Variants in AGBL1 observed in about 807,000 individuals in gnomAD.
AGBL1 encodes AGBL carboxypeptidase 1.
AGBL1 carries 130 observed loss-of-function variants against 118.9 expected under a neutral mutation model. That is an observed-to-expected ratio of 1.09 (90% CI 0.95 to 1.26). The LOEUF (loss-of-function observed/expected upper bound fraction) is 1.26. Ranked by LOEUF, AGBL1 falls within the 50% of genes most tolerant of loss-of-function variation. The pLI is 0.00. For missense variants in AGBL1, 1,584 were observed against 1,298.1 expected (o/e 1.22, Z -3.38); for synonymous variants, 555 against 478.9 (o/e 1.16, Z -2.08).
At chr15:86,653,203 A>G (rs2085406378) in intron 21 of AGBL1, among the ~76,000 whole-genome samples, 2 of 152,080 alleles carry the variant, frequency 1.3e-5, no homozygotes, top group Admixed American at 6.6e-5. Flanking sequence ...ATCCCAGGGG[A>G]TCCTGATACA....
chr15:86,153,992 C>G (rs1275565667), intron 3 of AGBL1, among the ~76,000 whole-genome samples: 2 of 152,106 alleles, frequency 1.3e-5, no homozygotes, highest in Non-Finnish European at 2.9e-5. Flanking sequence ...TCCAATTTCT[C>G]CAAATGTTCC....
intron 22 of AGBL1, among the ~76,000 whole-genome samples, chr15:86,875,515 C>A (rs2079794909): frequency 6.6e-6 from 1 of 152,216 alleles, no homozygotes; most frequent in Non-Finnish European, 1.5e-5. Context: ...GTCTGACTTG[C>A]ATCTGTTCAA....
intron 1 of AGBL1, among the ~76,000 whole-genome samples, chr15:86,140,889 A>G (rs2076954022): frequency 6.6e-6 from 1 of 152,230 alleles, no homozygotes; most frequent in South Asian, 2.1e-4. Context: ...GAAGCTGAAG[A>G]CATAAGAAGG....
At chr15:86,327,622 G>T (rs1243796313) in intron 17 of AGBL1, among the ~76,000 whole-genome samples, 1 of 152,198 alleles carries the variant, frequency 6.6e-6, no homozygotes, top group Non-Finnish European at 1.5e-5. Context: ...TTTCATTGAG[G>T]TGTCAGCTGC....
intron 18 of AGBL1, among the ~76,000 whole-genome samples, chr15:86,512,310 A>G (rs1478783548): frequency 6.6e-6 from 1 of 151,986 alleles, no homozygotes; most frequent in African/African-American, 2.4e-5. Flanking sequence ...GACAAGGCTT[A>G]TGGGGAATGA....
At chr15:86,879,271 G>A (rs2079856965) in intron 22 of AGBL1, among the ~76,000 whole-genome samples, 1 of 152,098 alleles carries the variant, frequency 6.6e-6, no homozygotes. Flanking sequence ...GTCAACGCAG[G>A]GCTAAGGTAA....
intron 18 of AGBL1, among the ~76,000 whole-genome samples, chr15:86,414,891 T>C (rs73455633): frequency 0.039 from 5,963 of 152,198 alleles, 407 homozygotes; most frequent in African/African-American, 0.14. Flanking sequence ...TGCCATTTAC[T>C]AGCTGTGTGA....
intron 18 of AGBL1, among the ~76,000 whole-genome samples, chr15:86,455,433 A>G (rs2082247625): frequency 6.6e-6 from 1 of 152,150 alleles, no homozygotes; most frequent in Admixed American, 6.5e-5. Context: ...TTAAAATTCA[A>G]TTTAATGCAA....
intron 23 of AGBL1, among the ~76,000 whole-genome samples, chr15:86,950,374 T>C (rs957214151): frequency 6.6e-6 from 1 of 151,060 alleles, no homozygotes; most frequent in East Asian, 1.9e-4. Flanking sequence ...ACTAATTAGA[T>C]TCATAGAATT....
rs543368507 is a variant in AGBL1 at position 86,245,047 on chromosome 15, C to G, written c.527-2624C>G. Among the ~76,000 whole-genome samples, 3 of 152,270 alleles carry G rather than the reference C, an allele frequency of 2.0e-5. No homozygotes were observed. In the South Asian group the frequency reaches 6.2e-4, roughly 32 times the overall value. The stretch of plus-strand genomic sequence containing the variant: ...CCAGGTGAATAAAGCTCGTCACTCT[C>G]TGTTTAGGGTCATGTTGTAAAGAGA... On this transcript the variant is annotated intron_variant, in intron 6 of 22. Transcript: ENST00000614907.
At chr15:86,866,535 A>G (rs762898002) in intron 22 of AGBL1, among the ~76,000 whole-genome samples, 11 of 152,198 alleles carry the variant, frequency 7.2e-5, no homozygotes, top group Non-Finnish European at 1.5e-4. Context: ...ATTTTTCTAG[A>G]TGCTGGCAAA....
chr15:86,291,860 C>T (rs2079550396), intron 16 of AGBL1, among the ~76,000 whole-genome samples: 1 of 152,152 alleles, frequency 6.6e-6, no homozygotes, highest in Non-Finnish European at 1.5e-5. Context: ...ACCTGATACT[C>T]GTTATTTGAT....
intron 22 of AGBL1, among the ~76,000 whole-genome samples, chr15:86,819,943 T>G (rs112671857): frequency 3.9e-4 from 59 of 151,884 alleles, no homozygotes; most frequent in African/African-American, 1.4e-3. Context: ...CCAAAACAGA[T>G]ATATAGACCA....
chr15:86,421,791 G>A (rs2081794377), intron 18 of AGBL1, among the ~76,000 whole-genome samples: 1 of 151,980 alleles, frequency 6.6e-6, no homozygotes, highest in Non-Finnish European at 1.5e-5. Flanking sequence ...AAAAAGCAGG[G>A]GTTGCAATCC....
At chr15:86,269,059 T>C (rs1346684118) in intron 13 of AGBL1, among the ~76,000 whole-genome samples, 1 of 152,126 alleles carries the variant, frequency 6.6e-6, no homozygotes, top group African/African-American at 2.4e-5. Context: ...TGGAGATATA[T>C]AGTGATGGGG....
chr15:86,335,359 C>T (rs970309476), intron 17 of AGBL1, among the ~76,000 whole-genome samples: 5 of 152,044 alleles, frequency 3.3e-5, no homozygotes, highest in African/African-American at 4.8e-5. Flanking sequence ...AGGATGGTCT[C>T]GATCTCTTGA....
rs181565069 is a variant in AGBL1 at position 87,020,651 on chromosome 15, C to T, written c.3324-8174C>T. Among the ~76,000 whole-genome samples, 359 of 152,178 alleles carry T rather than the reference C, an allele frequency of 2.4e-3. 5 individuals are homozygous for T. The highest frequency in any genetic ancestry group is 7.9e-3 in the African/African-American group (328 of 41,528). On this transcript the variant is annotated intron_variant, in intron 24 of 24. Transcript: ENST00000441037. ...AGCTAATAAGCAACTTCAGCAAAGT[C>T]TCAGGATACAAAATAAACATGCAAA...
chr15:86,663,457 T>C (rs575126074), intron 21 of AGBL1, among the ~76,000 whole-genome samples: 1 of 152,252 alleles, frequency 6.6e-6, no homozygotes, highest in African/African-American at 2.4e-5. Context: ...CTCCTGCTAG[T>C]CACCACACGA....
intron 17 of AGBL1, among the ~76,000 whole-genome samples, chr15:86,380,112 A>G (rs16976562): frequency 0.36 from 54,402 of 151,290 alleles, 11,157 homozygotes; most frequent in East Asian, 0.68. Context: ...GGGACTTTTA[A>G]ATCTATATAC....
Sources: allele counts gnomAD v4.1 joint callset (sites outside exome capture counted in the v4.1 genomes callset), GRCh38; gene constraint gnomAD v4.1.1; transcripts MANE v1.5; gene names NCBI Gene and HGNC (gene_info 2026-07-23, HGNC 2026-07-21).